FBP1: variants seen among roughly 807,000 people sequenced by gnomAD.
FBP1 encodes the protein fructose-bisphosphatase 1.
A neutral mutation model predicts 29.9 loss-of-function variants in FBP1; 22 were observed. The ratio of observed to expected loss-of-function variants is 0.74; its 90% CI spans 0.53 to 1.05. FBP1 has a LOEUF of 1.05. Among genes scored for constraint, FBP1 ranks in the 50% least tolerant of loss-of-function variants. The pLI, the probability that FBP1 is intolerant of heterozygous loss-of-function variation, is 0.00. For synonymous variants in FBP1, 175 were observed against 178.6 expected (o/e 0.98, Z 0.16); for missense variants, 345 against 448.2 (o/e 0.77, Z 2.08).
chr9:94,633,735 C>A (rs1440309020), intron 1 of FBP1, among the ~76,000 whole-genome samples: 1 of 151,806 alleles, frequency 6.6e-6, no homozygotes, highest in African/African-American at 2.4e-5. Context: ...GACGGAGTCT[C>A]CCTATGTCGC....
intron 3 of FBP1, among the ~76,000 whole-genome samples, chr9:94,614,262 C>G (rs184293712): frequency 6.6e-6 from 1 of 150,928 alleles, no homozygotes; most frequent in Non-Finnish European, 1.5e-5. Context: ...TAGTCGTGGC[C>G]GGGCGCGGTG....
At chr9:94,635,086 C>CAAAAA (rs11289183) in intron 1 of FBP1, among the ~76,000 whole-genome samples, 14 of 82,234 alleles carry the variant, frequency 1.7e-4, no homozygotes, top group South Asian at 4.5e-4. Flanking sequence ...GGCCCTGTCT[C>CAAAAA]AAAAAAAAAA....
intron 1 of FBP1, among the ~76,000 whole-genome samples, chr9:94,623,463 A>G: frequency 6.6e-6 from 1 of 152,214 alleles, no homozygotes; most frequent in East Asian, 1.9e-4. Context: ...CGCGGCTGTC[A>G]GAGGATTGCA....
At chr9:94,607,510 G>A (rs1025387146) in intron 4 of FBP1, among the ~76,000 whole-genome samples, 3 of 152,164 alleles carry the variant, frequency 2.0e-5, no homozygotes, top group African/African-American at 7.2e-5. Context: ...TGAGTCTGGC[G>A]TACGTAACTT....
At chr9:94,606,780 A>C in intron 5 of FBP1, 35 bp downstream of exon 5, 1 of 1,605,316 alleles carries the variant, frequency 6.2e-7, no homozygotes, top group South Asian at 1.1e-5. Context: ...CCAGATGCCC[A>C]GAACCTGCAC....
intron 3 of FBP1, among the ~76,000 whole-genome samples, chr9:94,611,649 A>T (rs28369720): frequency 6.6e-6 from 1 of 152,190 alleles, no homozygotes; most frequent in African/African-American, 2.4e-5. Flanking sequence ...GCTACTAAGG[A>T]GGCTGAGGCT....
intron 1 of FBP1, among the ~76,000 whole-genome samples, chr9:94,627,248 G>A (rs1223158543): frequency 6.7e-6 from 1 of 150,370 alleles, no homozygotes; most frequent in African/African-American, 2.4e-5. Flanking sequence ...CCAGCTAGTA[G>A]GGAGGCTGAG....
chr9:94,617,228 G>A lies in FBP1; in HGVS notation c.426+540C>T, dbSNP rs569582590. Among the ~76,000 whole-genome samples the A allele has an allele frequency of 2.4e-4, 37 of 152,320 alleles. No homozygotes were observed. In the South Asian group the frequency reaches 7.5e-3, roughly 31 times the overall value. On this transcript the variant is annotated intron_variant, in intron 3 of 6. Coordinates refer to ENST00000375326, the MANE Select transcript of FBP1 (RefSeq NM_000507.4). ...CCAAATGCCAATTAAAGCTTCATTCGTGAAGAGTAAAACTTAAAATGGATC... is the reference window on the plus strand; with the variant it reads ...CCAAATGCCAATTAAAGCTTCATTCATGAAGAGTAAAACTTAAAATGGATC...
chr9:94,603,449 C>A lies in FBP1; in HGVS notation c.949G>T (p.Val317Leu). 2 of 1,614,132 alleles carry A rather than the reference C, an allele frequency of 1.2e-6. No individual in the cohort carries two copies. Among genetic ancestry groups the A allele is most frequent in the Admixed American group, 1.7e-5 (1 of 60,018 alleles). The change falls in exon 7 of 7, where the codon GTG becomes TTG. Residue 317 changes from valine (V) to leucine (L), a missense_variant. Physicochemically the swap from Val to Leu is conservative, Grantham distance 32 (BLOSUM62 1). Coordinates refer to ENST00000375326, the MANE Select transcript of FBP1 (RefSeq NM_000507.4). ...IPTDIHQRAP[V>L]ILGSPDDVLE... is the part of the protein sequence containing the mutation. ...ACGTCGTCGGGGGATCCCAAGATCA[C>A]CGGCGCCCTCTGGTGAATGTCTGTG...
At chr9:94,618,977 C>T (rs1260159090) in intron 2 of FBP1, among the ~76,000 whole-genome samples, 2 of 152,136 alleles carry the variant, frequency 1.3e-5, no homozygotes, top group Admixed American at 6.5e-5. Context: ...TTTACAATGT[C>T]GTTTTTAAAT....
At chr9:94,627,216 G>T (rs547421857) in intron 1 of FBP1, among the ~76,000 whole-genome samples, 3 of 149,314 alleles carry the variant, frequency 2.0e-5, no homozygotes, top group Non-Finnish European at 3.0e-5. Flanking sequence ...TTAGCCGGGC[G>T]TGGTGGCGGG....
intron 1 of FBP1, among the ~76,000 whole-genome samples, chr9:94,632,173 C>T (rs1374960017): frequency 6.6e-6 from 1 of 152,056 alleles, no homozygotes; most frequent in Admixed American, 6.6e-5. Flanking sequence ...TTCTGTCAAA[C>T]AGCTGAGAGG....
At chr9:94,621,398 A>AAAAAAAAAATATAT in intron 1 of FBP1, among the ~76,000 whole-genome samples, 1 of 146,238 alleles carries the variant, frequency 6.8e-6, no homozygotes, top group African/African-American at 2.6e-5. Context: ...TCCGTCTAAA[A>AAAAAAAAAATATAT]ATATATATAT....
rs757240878 is a variant in FBP1 at position 94,620,321 on chromosome 9, A to G, written c.333+8T>C. On this transcript the variant is annotated splice_region_variant and intron_variant, in intron 2 of 6. Coordinates refer to ENST00000375326, the MANE Select transcript of FBP1 (RefSeq NM_000507.4). ...TTAAAACCCTCAATGGTGGAAGTAC[A>G]GACCCACCCTTTTCTCCGGTTCCAC... is the stretch of plus-strand genomic sequence containing the variant. 6.8e-6 allele frequency: 11 copies of G among 1,613,914 alleles called. No homozygotes were observed. In the South Asian group the frequency reaches 1.1e-4, roughly 16 times the overall value.
chr9:94,637,797 G>T (rs1342065319), intron 1 of FBP1, among the ~76,000 whole-genome samples: 2 of 152,074 alleles, frequency 1.3e-5, no homozygotes, highest in Non-Finnish European at 2.9e-5. Context: ...GGATCAGTTA[G>T]CTAGAAAATA....
intron 3 of FBP1, among the ~76,000 whole-genome samples, chr9:94,612,753 G>T (rs1303379017): frequency 2.0e-5 from 3 of 151,656 alleles, no homozygotes; most frequent in African/African-American, 7.3e-5. Context: ...TAGAGATGGG[G>T]TTTCACCATG....
At chr9:94,609,806 G>T in intron 4 of FBP1, 115 bp downstream of exon 4, 1 of 1,149,968 alleles carries the variant, frequency 8.7e-7, no homozygotes, top group Non-Finnish European at 1.3e-6. Context: ...CATCATCTCT[G>T]TCCCTCCATG....
At chr9:94,634,289 G>A (rs1476396414) in intron 1 of FBP1, among the ~76,000 whole-genome samples, 7 of 139,622 alleles carry the variant, frequency 5.0e-5, no homozygotes, top group South Asian at 4.7e-4. Context: ...GCGAGACTCT[G>A]CCTCAAAAAA....
intron 3 of FBP1, among the ~76,000 whole-genome samples, chr9:94,617,270 T>C (rs1316772900): frequency 6.6e-6 from 1 of 152,076 alleles, no homozygotes; most frequent in Non-Finnish European, 1.5e-5. Flanking sequence ...CTTTGTTCTT[T>C]AGTTTTTTTC....
Sources: allele counts gnomAD v4.1 joint callset (sites outside exome capture counted in the v4.1 genomes callset), GRCh38; gene constraint gnomAD v4.1.1; transcripts MANE v1.5; gene names NCBI Gene and HGNC (gene_info 2026-07-23, HGNC 2026-07-21).